SETDB2: variants seen among roughly 807,000 people sequenced by gnomAD.
SETDB2 encodes the protein histone-lysine N-methyltransferase SETDB2.
A neutral mutation model predicts 82.5 loss-of-function variants in SETDB2; 56 were observed. The observed-to-expected ratio is 0.68, with a 90% CI of 0.55 to 0.85. SETDB2 has a LOEUF of 0.85. Among genes scored for constraint, SETDB2 ranks in the 40% least tolerant of loss-of-function variants. The pLI is 0.00. For missense variants in SETDB2, 677 were observed against 816.4 expected, an observed-to-expected ratio of 0.83 and a Z score of 2.08; for synonymous variants, 272 against 284.9, an observed-to-expected ratio of 0.95 and a Z score of 0.46.
At chr13:49,487,957 A>C (rs1474941003) in intron 11 of SETDB2, among the ~76,000 whole-genome samples, 1 of 152,232 alleles carries the variant, frequency 6.6e-6, no homozygotes, top group Non-Finnish European at 1.5e-5. Flanking sequence ...ATTAAAGAGA[A>C]GAAAGTCAGT....
chr13:49,485,781 C>T (rs1958585835), intron 11 of SETDB2, 58 bp downstream of exon 11: 1 of 1,295,820 alleles, frequency 7.7e-7, no homozygotes, highest in Admixed American at 1.7e-5. Flanking sequence ...CTGTCTCTTG[C>T]TCAATACCTG....
rs1958761450 is a variant in SETDB2 at position 49,494,092 on chromosome 13, T to G, written c.*2243T>G. The stretch of plus-strand genomic sequence containing the variant: ...TCTCTTAACTTTCAGCTCTGTCTTC[T>G]TGCTAGGACCTTTTCCTAGGAGCAT... On this transcript the variant is annotated 3_prime_UTR_variant, in exon 14 of 14. Transcript: ENST00000611815. 6.6e-6 allele frequency: 1 copy of G among 152,246 alleles called. No homozygotes were observed. The highest frequency in any genetic ancestry group is 2.1e-4 in the South Asian group (1 of 4,832). The allele number at this position is 152,246 out of a possible 1,614,324, so 9.4% of individuals were successfully genotyped here. A position where few individuals can be genotyped will look rare whatever the true frequency, so the allele number is the denominator to read the frequency against.
chr13:49,490,861 G>C lies in SETDB2; in HGVS notation c.1957G>C (p.Val653Leu). ...CPNLLVQNVF[V>L]ETHNRNFPLV... is the part of the protein sequence containing the mutation. ...AAATCTCTTGGTACAGAATGTTTTT[G>C]TAGAAACACACAACAGGAATTTTCC... is the stretch of plus-strand genomic sequence containing the variant. Residue 653 changes from valine to leucine, a missense_variant, in exon 13 of 14, where the codon GTA becomes CTA. By Grantham distance (32) the Val-to-Leu change is conservative (BLOSUM62 1). This residue lies in a region of SETDB2 where 420 missense variants were observed against 554.6 expected (regional missense o/e 0.76). Coordinates refer to ENST00000611815, the MANE Select transcript of SETDB2 (RefSeq NM_001160308.3). 6.2e-7 allele frequency: 1 copy of C among 1,613,466 alleles called. No homozygotes were observed. Among genetic ancestry groups the C allele is most frequent in the South Asian group, 1.1e-5 (1 of 91,008 alleles).
chr13:49,449,899 ATTTC>A (rs1438423322), intron 1 of SETDB2, among the ~76,000 whole-genome samples: 14 of 152,186 alleles, frequency 9.2e-5, no homozygotes, highest in Admixed American at 3.9e-4. Context: ...TCAGATACTT[ATTTC>A]TTTCACAGTC....
At chr13:49,464,737 C>G (rs1354892341) in intron 4 of SETDB2, among the ~76,000 whole-genome samples, 1 of 151,964 alleles carries the variant, frequency 6.6e-6, no homozygotes, top group Non-Finnish European at 1.5e-5. Context: ...ACACTGTTGG[C>G]AAATGTAAGG....
chr13:49,457,803 T>C (rs1340229801), intron 2 of SETDB2, among the ~76,000 whole-genome samples: 1 of 152,216 alleles, frequency 6.6e-6, no homozygotes, highest in African/African-American at 2.4e-5. Flanking sequence ...CAGCTTTTTT[T>C]TCCTCAGTCC....
chr13:49,448,613 A>G (rs1001853468), intron 1 of SETDB2, among the ~76,000 whole-genome samples: 12 of 152,162 alleles, frequency 7.9e-5, no homozygotes, highest in African/African-American at 2.9e-4. Flanking sequence ...TTGATTTACT[A>G]CATTCAGTGA....
intron 11 of SETDB2, among the ~76,000 whole-genome samples, chr13:49,486,870 G>C (rs1178414678): frequency 6.6e-6 from 1 of 152,160 alleles, no homozygotes; most frequent in Non-Finnish European, 1.5e-5. Context: ...AGCCACTGCT[G>C]TCTCTTCCCC....
intron 2 of SETDB2, among the ~76,000 whole-genome samples, chr13:49,454,363 T>C (rs4468500): frequency 0.74 from 112,468 of 152,110 alleles, 42,027 homozygotes; most frequent in African/African-American, 0.84. Context: ...GAGCTGAGAT[T>C]GTGCCACTGT....
chr13:49,481,779 G>T (rs1958482406), intron 8 of SETDB2, among the ~76,000 whole-genome samples: 1 of 152,190 alleles, frequency 6.6e-6, no homozygotes, highest in Non-Finnish European at 1.5e-5. Context: ...ACATCCTTCT[G>T]TGAGAAAGTT....
chr13:49,480,873 A>G, intron 7 of SETDB2, 74 bp from the exon 8 acceptor site: 2 of 1,499,992 alleles, frequency 1.3e-6, no homozygotes, highest in Non-Finnish European at 1.8e-6. Flanking sequence ...CTCAGTAGTT[A>G]TCAGTGTCAG....
At chr13:49,456,659 G>T (rs1409460432) in intron 2 of SETDB2, among the ~76,000 whole-genome samples, 1 of 152,150 alleles carries the variant, frequency 6.6e-6, no homozygotes, top group Admixed American at 6.5e-5. Flanking sequence ...ATACAATGCC[G>T]AAAGAAGTGA....
intron 5 of SETDB2, among the ~76,000 whole-genome samples, chr13:49,468,261 C>T (rs1322441659): frequency 2.6e-5 from 4 of 151,894 alleles, no homozygotes; most frequent in Non-Finnish European, 5.9e-5. Flanking sequence ...TTTTGTTTTA[C>T]TGCTTAGATT....
intron 2 of SETDB2, among the ~76,000 whole-genome samples, chr13:49,458,758 T>C (rs1156898400): frequency 6.6e-6 from 1 of 152,264 alleles, no homozygotes; most frequent in Non-Finnish European, 1.5e-5. Context: ...CCTGTCCCTC[T>C]ACCTTTATTC....
At chr13:49,460,954 C>A (rs1165281211) in intron 3 of SETDB2, 143 bp from the exon 4 acceptor site, 2 of 527,756 alleles carry the variant, frequency 3.8e-6, no homozygotes, top group Non-Finnish European at 6.7e-6. Context: ...GCCTCAGTTT[C>A]TTTTGTCTCT....
intron 5 of SETDB2, among the ~76,000 whole-genome samples, chr13:49,472,482 C>T (rs2138919986): frequency 6.6e-6 from 1 of 152,294 alleles, no homozygotes; most frequent in African/African-American, 2.4e-5. Flanking sequence ...TGGACTTCTC[C>T]TTCTCACTAC....
intron 3 of SETDB2, among the ~76,000 whole-genome samples, chr13:49,460,790 T>C (rs918726985): frequency 6.6e-6 from 1 of 152,208 alleles, no homozygotes; most frequent in Non-Finnish European, 1.5e-5. Context: ...GATGGTCTTA[T>C]GACATTATTA....
intron 5 of SETDB2, 63 bp from the exon 6 acceptor site, chr13:49,476,412 GT>G: frequency 1.8e-6 from 2 of 1,115,242 alleles, no homozygotes; most frequent in Non-Finnish European, 2.6e-6. Flanking sequence ...AATAATCATA[GT>G]TTTTTTAAAA....
At chr13:49,486,540 T>G (rs7321228) in intron 11 of SETDB2, among the ~76,000 whole-genome samples, 119,361 of 152,154 alleles carry the variant, frequency 0.78, 47,633 homozygotes, top group African/African-American at 0.93. Flanking sequence ...TCTTGAGTCT[T>G]TGTGGTGCAC....
Sources: gnomAD v4.1 joint callset for allele counts (sites outside exome capture counted in the v4.1 genomes callset) on GRCh38, gnomAD v4.1.1 for gene constraint, gnomAD v4.1.1 regional missense constraint, MANE v1.5 for transcripts, NCBI Gene and HGNC (gene_info 2026-07-23, HGNC 2026-07-21) for gene names.